TTN: variants seen among roughly 807,000 people sequenced by gnomAD.
The protein encoded by TTN is titin, also known as connectin.
In TTN, 1,525 loss-of-function variants were observed where a neutral mutation model predicts 3,223.0. The ratio of observed to expected loss-of-function variants is 0.47; its 90% CI spans 0.45 to 0.49. The LOEUF (loss-of-function observed/expected upper bound fraction) is 0.49. TTN is among the 20% of genes least tolerant of loss of function. The pLI, the probability that TTN is intolerant of heterozygous loss-of-function variation, is 0.00. For synonymous variants in TTN, 14,094 were observed against 15,161.0 expected (o/e 0.93, Z 5.17); for missense variants, 40,786 against 43,424.0 (o/e 0.94, Z 5.40).
At position 178,553,250 on chromosome 2, in the gene TTN, C is replaced by T; in HGVS notation, c.89650G>A (p.Ala29884Thr). The T allele has an allele frequency of 6.2e-7, 1 of 1,612,992 alleles. No individual in the cohort carries two copies. Among genetic ancestry groups the T allele is most frequent in the South Asian group, 1.1e-5 (1 of 91,084 alleles). Reference sequence around the variant, plus strand: ...TCAGTGTTTTCAATGCTGTATCTGGCATCACTGCCAAGATTCTTCTCATCT... The same window carrying T: ...TCAGTGTTTTCAATGCTGTATCTGGTATCACTGCCAAGATTCTTCTCATCT... ...RKDEKNLGSD[A>T]RYSIENTDSS... The change falls in exon 335 of 363, where the codon GCC (alanine) becomes ACC (threonine). Residue 29884 changes from alanine to threonine, a missense_variant. Ala to Thr is a moderately conservative substitution (Grantham distance 58). Coordinates refer to ENST00000589042, the MANE Select transcript of TTN (RefSeq NM_001267550.2).
At chr2:178,801,097 G>A (rs1033588646) in intron 3 of TTN, among the ~76,000 whole-genome samples, 1 of 152,164 alleles carries the variant, frequency 6.6e-6, no homozygotes, top group African/African-American at 2.4e-5. Flanking sequence ...TGGTTGCTAC[G>A]ATGGGTGTAC....
rs768469221 is a variant in TTN, at chr2:178,636,230, G to T, written c.41341C>A (p.Arg13781Ser). ...TCCTCTTCCAGTGTTTTTACAAAAC[G>T]CACAGGAAGTTCTATGGAGAATTTC... is the stretch of plus-strand genomic sequence containing the variant. ...AKLVVEELPV[R>S]FVKTLEEEVT... is the part of the protein sequence containing the mutation. Residue 13781 changes from arginine to serine, a missense_variant, in exon 226 of 363, where the codon CGT becomes AGT. Physicochemically the swap from Arg to Ser is moderately radical, Grantham distance 110. Transcript: ENST00000589042. The surrounding 1 kb of genome is among the most constrained non-coding windows in gnomAD (Gnocchi z 4.3). The T allele has an allele frequency of 4.5e-6, 7 of 1,570,780 alleles. No individual in the cohort carries two copies. The highest frequency in any genetic ancestry group is 6.1e-6 in the Non-Finnish European group (7 of 1,156,900).
At position 178,593,070 on chromosome 2, in the gene TTN, T is replaced by A. The variant is rs1232648320; in HGVS notation, c.59049A>T (p.Pro19683=). The change falls in exon 300 of 363, where the codon CCA becomes CCT. Residue 19683 remains proline, a synonymous_variant. Transcript: ENST00000589042. The part of the protein sequence containing the change: ...FAKDPIAKPS[P]PVNPEAIDTT... ...TATCTATTGCTTCAGGATTAACAGGTGGACTTGGTTTAGCTAAAAAATAAA... is the reference window on the plus strand; with the variant it reads ...TATCTATTGCTTCAGGATTAACAGGAGGACTTGGTTTAGCTAAAAAATAAA... 2 of 1,612,592 alleles carry A rather than the reference T, an allele frequency of 1.2e-6. No homozygotes were observed. The highest frequency in any genetic ancestry group is 2.2e-5 in the South Asian group (2 of 90,768).
rs571888927 is a variant in TTN, at chr2:178,698,020, GA to G, written c.30754+822del. On this transcript the variant is annotated intron_variant, in intron 112 of 362. Transcript: ENST00000589042. ...GTCCATCAATGGATGAATACATAAG[GA>G]AAAGGTGGTATATAAATACACAATG... Among the ~76,000 whole-genome samples the G allele has an allele frequency of 1.5e-3, 225 of 152,200 alleles. 1 individual carries two copies. The highest frequency in any genetic ancestry group is 5.1e-3 in the African/African-American group (211 of 41,524).
rs150826409 is a variant in TTN at position 178,703,495 on chromosome 2, T to C, written c.30223+652A>G. ...TGTCATATATTTGTGTTTCAGCAAC[T>C]ACGAATGGGCACCAATAGCTGAAAG... On this transcript the variant is annotated intron_variant, in intron 106 of 362. Coordinates refer to ENST00000589042, the MANE Select transcript of TTN (RefSeq NM_001267550.2). 1.2e-3 allele frequency among the ~76,000 whole-genome samples: 188 copies of C among 152,312 alleles called. 3 individuals are homozygous for C. The highest frequency in any genetic ancestry group is 1.4e-3 in the Admixed American group (22 of 15,306).
In TTN at chr2:178,565,546, G is replaced by A. The variant is rs748292845; in HGVS notation, c.80586C>T (p.Ser26862=). 36 of 1,613,546 alleles carry A rather than the reference G, an allele frequency of 2.2e-5. No homozygotes were observed. Among genetic ancestry groups the A allele is most frequent in the Middle Eastern group, 1.7e-4 (1 of 6,050 alleles). Residue 26862 remains serine (S), a synonymous_variant, in exon 326 of 363, where the codon AGC becomes AGT. Coordinates refer to ENST00000589042, the MANE Select transcript of TTN (RefSeq NM_001267550.2). ...CAGGAACACCCAACACTCTTGGATC[G>A]CTTTTTCCTTTCTCATTATAAGCCT... The part of the protein sequence containing the change: ...RVKAYNEKGK[S]DPRVLGVPVI...
Position 178,681,646 on chromosome 2 carries a change from T to C in TTN, c.33172+15A>G. The stretch of plus-strand genomic sequence containing the variant: ...CAAAGATCTCTTACAGGTAATAATG[T>C]TTTTTTCACTCTACCTTTAGCCGGT... On this transcript the variant is annotated intron_variant, in intron 136 of 362. Transcript: ENST00000589042. 6.2e-7 allele frequency: 1 copy of C among 1,600,480 alleles called. No individual in the cohort carries two copies. Among genetic ancestry groups the C allele is most frequent in the Non-Finnish European group, 8.5e-7 (1 of 1,175,672 alleles).
Position 178,634,557 on chromosome 2 carries a change from C to A in TTN, c.42224G>T (p.Cys14075Phe). 6.2e-7 allele frequency: 1 copy of A among 1,613,380 alleles called. No individual in the cohort carries two copies. The highest frequency in any genetic ancestry group is 1.1e-5 in the South Asian group (1 of 91,056). Residue 14075 changes from cysteine to phenylalanine, a missense_variant, in exon 230 of 363, where the codon TGT becomes TTT. Cys to Phe is a radical substitution (Grantham distance 205). Coordinates refer to ENST00000589042, the MANE Select transcript of TTN (RefSeq NM_001267550.2). This position sits in a 1 kb window ranked among gnomAD's most constrained non-coding sequence, Gnocchi z 4.6. ...VPERRQARFE[C>F]VLTREANVIW... ...AACATTTGCCTCTCGGGTGAGGACA[C>A]ATTCGAATCGAGCCTGTCGCCTTTC...
At position 178,701,120 on chromosome 2, in the gene TTN, CT is replaced by C; in HGVS notation, c.30681del (p.Val10228LeufsTer6). The C allele has an allele frequency of 6.2e-7, 1 of 1,613,304 alleles. No individual in the cohort carries two copies. The highest frequency in any genetic ancestry group is 8.5e-7 in the Non-Finnish European group (1 of 1,179,494). On this transcript the variant is annotated frameshift_variant and splice_region_variant, in exon 111 of 363. Transcript: ENST00000589042. LOFTEE classifies it high-confidence loss of function. ...EEKKPPPKRI[E>X]VTKKAVKKDA... is the part of the protein sequence containing the mutation. Reference sequence around the variant, plus strand: ...CATCTAGGTAGATGAGGTATAATACCTTCAATACGTTTTGGTGGTGGTTTCT... The same window carrying C: ...CATCTAGGTAGATGAGGTATAATACCTCAATACGTTTTGGTGGTGGTTTCT...
chr2:178,551,051 A>ACAGCATTT lies in TTN; in HGVS notation c.91479_91480insAAATGCTG (p.Phe30494LysfsTer6). ...ACAGCATTTCTTGCAATTATTCTGA[A>ACAGCATTT]CTCATAGCGATCCCCAGGACTGAGT... On this transcript the variant is annotated frameshift_variant, in exon 336 of 363. Coordinates refer to ENST00000589042, the MANE Select transcript of TTN (RefSeq NM_001267550.2). LOFTEE classifies it high-confidence loss of function. The ACAGCATTT allele has an allele frequency of 6.2e-7, 1 of 1,613,402 alleles. No homozygotes were observed. Among genetic ancestry groups the ACAGCATTT allele is most frequent in the Non-Finnish European group, 8.5e-7 (1 of 1,179,632 alleles).
At position 178,778,755 on chromosome 2, in the gene TTN, G is replaced by T. The variant is rs1296299222; in HGVS notation, c.4208+119C>A. ...TCTGGCAATTGTTGGTGTTGCCAAT[G>T]GTAAGTTTCTGTGCCATTTTAGCCC... On this transcript the variant is annotated intron_variant, in intron 24 of 362. Coordinates refer to ENST00000589042, the MANE Select transcript of TTN (RefSeq NM_001267550.2). 3 of 1,409,856 alleles carry T rather than the reference G, an allele frequency of 2.1e-6. No individual in the cohort carries two copies. In the African/African-American group the frequency reaches 4.3e-5, roughly 20 times the overall value. The allele number at this position is 1,409,856 out of a possible 1,614,324, so 87.3% of individuals were successfully genotyped here. A position where few individuals can be genotyped will look rare whatever the true frequency, so the allele number is the denominator to read the frequency against.
chr2:178,747,297 C>T (rs2083937328), intron 47 of TTN: 7 of 1,613,292 alleles, frequency 4.3e-6, no homozygotes, highest in Non-Finnish European at 5.9e-6. Flanking sequence ...CTTTCAGCAA[C>T]TTCCCCTAAA....
At position 178,533,123 on chromosome 2, in the gene TTN, C is replaced by T. The variant is rs1689922157; in HGVS notation, c.103492G>A (p.Val34498Ile). Reference protein sequence around the residue: ...SGTESVPLTQVAKEALREAAV... With the variant: ...SGTESVPLTQIAKEALREAAV... The stretch of plus-strand genomic sequence containing the variant: ...GCTTCTCTCAGAGCCTCTTTAGCTA[C>T]CTGTGTCAGTGGTACACTTTCAGTT... The change falls in exon 358 of 363, where the codon GTA becomes ATA. Residue 34498 changes from valine (V) to isoleucine (I), a missense_variant. Coordinates refer to ENST00000589042, the MANE Select transcript of TTN (RefSeq NM_001267550.2). 1 of 1,613,842 alleles carries T rather than the reference C, an allele frequency of 6.2e-7. No individual in the cohort carries two copies. Among genetic ancestry groups the T allele is most frequent in the Non-Finnish European group, 8.5e-7 (1 of 1,179,876 alleles).
chr2:178,799,483 T>C lies in TTN; in HGVS notation c.914+4A>G. 1 of 1,614,138 alleles carries C rather than the reference T, an allele frequency of 6.2e-7. No homozygotes were observed. The highest frequency in any genetic ancestry group is 1.1e-5 in the South Asian group (1 of 91,088). On this transcript the variant is annotated splice_donor_region_variant and intron_variant, in intron 6 of 362. Transcript: ENST00000589042. Reference sequence around the variant, plus strand: ...ATAATCTGCTCTCTCTATGGCAGCTTTACCTGACCGGAGATGGGGTCGGTG... The same window carrying C: ...ATAATCTGCTCTCTCTATGGCAGCTCTACCTGACCGGAGATGGGGTCGGTG...
chr2:178,755,672 G>C (rs1245038249), intron 46 of TTN, among the ~76,000 whole-genome samples: 1 of 152,114 alleles, frequency 6.6e-6, no homozygotes, highest in Non-Finnish European at 1.5e-5. Flanking sequence ...TCAAACTCCT[G>C]ACCTCAAGTG....
Position 178,575,198 on chromosome 2 carries a change from G to A in TTN, c.70934C>T (p.Ala23645Val), listed in dbSNP as rs757143081. ...LRGIYQKLVI[A>V]KAGDNIKVEI... ...AACTTTGATGTTGTCACCAGCTTTG[G>A]CAATGACCAGTTTCTGATAGATGCC... Residue 23645 changes from alanine to valine, a missense_variant, in exon 326 of 363, where the codon GCC (alanine) becomes GTC (valine). Transcript: ENST00000589042. The surrounding 1 kb of genome is among the most constrained non-coding windows in gnomAD (Gnocchi z 4.0). 6.2e-7 allele frequency: 1 copy of A among 1,612,738 alleles called. No homozygotes were observed.
At chr2:178,603,762 T>G in intron 282 of TTN, 114 bp downstream of exon 282, 1 of 1,088,590 alleles carries the variant, frequency 9.2e-7, no homozygotes, top group South Asian at 2.0e-5. Flanking sequence ...ACCTTTTTTA[T>G]TTTAATAAAT....
chr2:178,666,940 C>A, intron 162 of TTN, 39 bp from the exon 163 acceptor site: 1 of 1,430,692 alleles, frequency 7.0e-7, no homozygotes, highest in South Asian at 1.4e-5. Context: ...TGAGAAAAGG[C>A]AAAGGCATAA....
Position 178,724,463 on chromosome 2 carries a change from A to G in TTN, c.20912T>C (p.Val6971Ala). The G allele has an allele frequency of 6.2e-7, 1 of 1,613,312 alleles. No individual in the cohort carries two copies. The highest frequency in any genetic ancestry group is 8.5e-7 in the Non-Finnish European group (1 of 1,179,494). Residue 6971 changes from valine to alanine, a missense_variant, in exon 72 of 363, where the codon GTG (valine) becomes GCG (alanine). By Grantham distance (64) the Val-to-Ala change is moderately conservative. Transcript: ENST00000589042. ...AACAGAGAGTTCCGGAGTGCCAGCCACCTTACACTCCAGAGTGCACGTTTC... is the reference window on the plus strand; with the variant it reads ...AACAGAGAGTTCCGGAGTGCCAGCCGCCTTACACTCCAGAGTGCACGTTTC... ...VGETCTLECK[V>A]AGTPELSVEW...
Sources: gnomAD v4.1 joint callset for allele counts (sites outside exome capture counted in the v4.1 genomes callset) on GRCh38, gnomAD v4.1.1 for gene constraint, Gnocchi (gnomAD v3.1) non-coding constraint, MANE v1.5 for transcripts, NCBI Gene and HGNC (gene_info 2026-07-23, HGNC 2026-07-21) for gene names.